Variants in CDC73 observed in about 807,000 individuals in gnomAD.
The protein encoded by CDC73 is parafibromin.
CDC73 carries 21 observed loss-of-function variants against 83.7 expected under a neutral mutation model. That is an observed-to-expected ratio of 0.25 (90% CI 0.18 to 0.36). CDC73 has a LOEUF of 0.36. Ranked by LOEUF, CDC73 falls within the 10% of genes least tolerant of loss-of-function variation. CDC73 has a pLI of 1.00. For missense variants in CDC73, 342 were observed against 653.3 expected (o/e 0.52, Z 5.19); for synonymous variants, 224 against 212.9 (o/e 1.05, Z -0.45).
At chr1:193,146,474 G>GAAGCAAGCAAGC (rs201981048) in intron 7 of CDC73, among the ~76,000 whole-genome samples, 79 of 150,932 alleles carry the variant, frequency 5.2e-4, no homozygotes, top group East Asian at 9.7e-4. Context: ...GCAGAAGGCA[G>GAAGCAAGCAAGC]AAGCAAGCAA....
At chr1:193,126,124 T>A (rs1675568582) in intron 2 of CDC73, among the ~76,000 whole-genome samples, 1 of 151,976 alleles carries the variant, frequency 6.6e-6, no homozygotes, top group African/African-American at 2.4e-5. Context: ...ACGCTAAAAG[T>A]ATTTATAGAG....
chr1:193,194,794 T>C (rs1398364936), intron 10 of CDC73, among the ~76,000 whole-genome samples: 2 of 152,160 alleles, frequency 1.3e-5, no homozygotes, highest in East Asian at 1.9e-4. Flanking sequence ...TTTAAAGATT[T>C]TGTGATTTGT....
At chr1:193,136,973 TG>T (rs11295501) in intron 5 of CDC73, among the ~76,000 whole-genome samples, 94,291 of 151,478 alleles carry the variant, frequency 0.62, 29,760 homozygotes, top group South Asian at 0.77. Context: ...CAGCAGGAAA[TG>T]GCATAATACA....
intron 15 of CDC73, among the ~76,000 whole-genome samples, chr1:193,239,411 AATTAT>A (rs1234312736): frequency 9.2e-5 from 14 of 152,220 alleles, no homozygotes; most frequent in Admixed American, 5.9e-4. Context: ...CTTGATAGAA[AATTAT>A]ATTATATTTT....
At chr1:193,122,517 T>G in intron 1 of CDC73, 186 bp downstream of exon 1, 8 of 665,144 alleles carry the variant, frequency 1.2e-5, no homozygotes, top group East Asian at 2.8e-5. Context: ...GGCGGAGCTC[T>G]AGAGCAGTTC....
chr1:193,185,339 T>C (rs1484384777), intron 10 of CDC73, among the ~76,000 whole-genome samples: 1 of 152,104 alleles, frequency 6.6e-6, no homozygotes, highest in Non-Finnish European at 1.5e-5. Context: ...TCATGGTCAC[T>C]ATAATAACAC....
At position 193,247,382 on chromosome 1, in the gene CDC73, A is replaced by ATCTC. The variant is rs144859660; in HGVS notation, c.1418-2332_1418-2329dup. Among the ~76,000 whole-genome samples, 9 of 149,498 alleles carry ATCTC rather than the reference A, an allele frequency of 6.0e-5. No individual in the cohort carries two copies. In the South Asian group the frequency reaches 1.3e-3, roughly 21 times the overall value. ...TGCCCCACTGACCAATTAGTCCCTC[A>ATCTC]TCTCTCTCTCTCTCTCTCTTCAGGC... is the stretch of plus-strand genomic sequence containing the variant. On this transcript the variant is annotated intron_variant, in intron 15 of 16. Transcript: ENST00000367435.
chr1:193,232,919 TC>T, intron 13 of CDC73, 73 bp from the exon 14 acceptor site: 3 of 1,343,468 alleles, frequency 2.2e-6, no homozygotes, highest in Non-Finnish European at 3.1e-6. Flanking sequence ...AAAAAATATT[TC>T]AAATTATAGT....
intron 10 of CDC73, among the ~76,000 whole-genome samples, chr1:193,198,052 A>G (rs1035441886): frequency 8.5e-5 from 13 of 152,120 alleles, no homozygotes; most frequent in Non-Finnish European, 1.5e-5. Context: ...TACTCAATGT[A>G]ATACTCATGA....
At chr1:193,141,491 C>A (rs1306755931) in intron 6 of CDC73, among the ~76,000 whole-genome samples, 1 of 152,094 alleles carries the variant, frequency 6.6e-6, no homozygotes, top group Non-Finnish European at 1.5e-5. Context: ...TTTTTTACCT[C>A]CTTCCAAAGT....
intron 13 of CDC73, among the ~76,000 whole-genome samples, chr1:193,216,122 A>T (rs1047756888): frequency 5.9e-5 from 9 of 152,196 alleles, no homozygotes; most frequent in Middle Eastern, 3.2e-3. Context: ...CTAAATTGAT[A>T]TGTGAAAATC....
chr1:193,199,254 A>C (rs747196414), intron 10 of CDC73, among the ~76,000 whole-genome samples: 1 of 152,076 alleles, frequency 6.6e-6, no homozygotes, highest in Non-Finnish European at 1.5e-5. Context: ...TTTCTACAAC[A>C]GGTTTCTCAA....
intron 7 of CDC73, among the ~76,000 whole-genome samples, chr1:193,146,873 G>A (rs1039879235): frequency 1.3e-5 from 2 of 152,174 alleles, no homozygotes; most frequent in African/African-American, 4.8e-5. Flanking sequence ...ACTTCTGATA[G>A]TATCTCAAAA....
chr1:193,182,026 G>T (rs1052230909), intron 10 of CDC73, among the ~76,000 whole-genome samples: 2 of 152,034 alleles, frequency 1.3e-5, no homozygotes, highest in Admixed American at 6.6e-5. Flanking sequence ...GTGTAAAAAC[G>T]CCTTAAGAGC....
intron 14 of CDC73, among the ~76,000 whole-genome samples, chr1:193,234,175 T>TCACACACACACACA (rs71111461): frequency 3.9e-5 from 4 of 101,414 alleles, no homozygotes; most frequent in East Asian, 2.6e-4. Flanking sequence ...TCTCTCTCTC[T>TCACACACACACACA]CACACACACA....
chr1:193,132,373 T>C (rs368197008), intron 3 of CDC73, among the ~76,000 whole-genome samples: 1 of 152,238 alleles, frequency 6.6e-6, no homozygotes, highest in Non-Finnish European at 1.5e-5. Flanking sequence ...TAAACATGTT[T>C]ACTGTCATGC....
intron 10 of CDC73, among the ~76,000 whole-genome samples, chr1:193,176,845 AGTT>A (rs1676611745): frequency 6.6e-6 from 1 of 152,218 alleles, no homozygotes; most frequent in African/African-American, 2.4e-5. Flanking sequence ...AAAAATTAGC[AGTT>A]GTTCTTTAAA....
chr1:193,232,734 C>T (rs530417545), intron 13 of CDC73, among the ~76,000 whole-genome samples: 260 of 152,060 alleles, frequency 1.7e-3, no homozygotes, highest in Non-Finnish European at 2.1e-3. Context: ...AACCCCATCT[C>T]TACTAAAAAT....
rs189831865 is a variant in CDC73 at position 193,236,685 on chromosome 1, G to A, written c.1417+329G>A. 230 of 330,532 alleles carry A rather than the reference G, an allele frequency of 7.0e-4. 3 individuals carry two copies. The East Asian group carries it at 0.018, about 25-fold the overall frequency. The allele number at this position is 330,532 out of a possible 1,614,324, so 20.5% of individuals were successfully genotyped here. On this transcript the variant is annotated intron_variant, in intron 15 of 16. Transcript: ENST00000367435. Reference sequence around the variant, plus strand: ...TGAGGCAGGTGGATCACCTTAGGTCGGGAGGTCGAGACCAGCCTAACCAAC... The same window carrying A: ...TGAGGCAGGTGGATCACCTTAGGTCAGGAGGTCGAGACCAGCCTAACCAAC...
Sources: gnomAD v4.1 joint callset for allele counts (sites outside exome capture counted in the v4.1 genomes callset) on GRCh38, gnomAD v4.1.1 for gene constraint, MANE v1.5 for transcripts, NCBI Gene and HGNC (gene_info 2026-07-23, HGNC 2026-07-21) for gene names.